Variants in ATP13A5 observed in about 807,000 individuals in gnomAD.
ATP13A5 encodes ATPase 13A5.
ATP13A5 carries 149 observed loss-of-function variants against 150.2 expected under a neutral mutation model. That is an observed-to-expected ratio of 0.99 (90% CI 0.87 to 1.14). The LOEUF is 1.14. ATP13A5 is among the 50% of genes most tolerant of loss of function. The probability of loss-of-function intolerance (pLI) is 0.00; values close to 1 mark genes in which losing one functional copy is unlikely to be tolerated. For synonymous variants in ATP13A5, 497 were observed against 522.2 expected, an observed-to-expected ratio of 0.95 and a Z score of 0.66; for missense variants, 1,383 against 1,449.3, an observed-to-expected ratio of 0.95 and a Z score of 0.74.
chr3:193,284,480 G>A (rs1023796252), intron 27 of ATP13A5, among the ~76,000 whole-genome samples: 1 of 152,066 alleles, frequency 6.6e-6, no homozygotes, highest in African/African-American at 2.4e-5. Context: ...AAAATGCTTT[G>A]TTTAGTCCTT....
chr3:193,371,704 A>G (rs1054975491), intron 1 of ATP13A5, among the ~76,000 whole-genome samples: 8 of 152,180 alleles, frequency 5.3e-5, no homozygotes, highest in South Asian at 2.1e-4. Context: ...CAAAAATGCA[A>G]CGTAGAACCT....
At chr3:193,315,327 A>G (rs1719009753) in intron 17 of ATP13A5, among the ~76,000 whole-genome samples, 1 of 152,090 alleles carries the variant, frequency 6.6e-6, no homozygotes, top group Admixed American at 6.5e-5. Flanking sequence ...CCAGTTTCCA[A>G]CTTTATTTTT....
intron 20 of ATP13A5, among the ~76,000 whole-genome samples, chr3:193,311,309 C>T (rs1448965021): frequency 3.3e-5 from 5 of 152,186 alleles, no homozygotes; most frequent in African/African-American, 9.7e-5. Context: ...CTCCATTAAT[C>T]TCCCGCACAT....
At chr3:193,376,030 G>A (rs1713629676) in intron 1 of ATP13A5, among the ~76,000 whole-genome samples, 1 of 152,178 alleles carries the variant, frequency 6.6e-6, no homozygotes. Context: ...GGAAGGAAGA[G>A]CAAGTGGGGC....
intron 5 of ATP13A5, among the ~76,000 whole-genome samples, chr3:193,361,418 T>C (rs1432148153): frequency 2.6e-5 from 4 of 152,174 alleles, no homozygotes; most frequent in African/African-American, 4.8e-5. Flanking sequence ...ATGGGTATCT[T>C]CTAAGTACCC....
intron 26 of ATP13A5, among the ~76,000 whole-genome samples, chr3:193,289,496 T>A (rs1333845667): frequency 6.6e-6 from 1 of 152,158 alleles, no homozygotes; most frequent in African/African-American, 2.4e-5. Context: ...TGTTTACCTA[T>A]TGTCTAAGGC....
Position 193,307,372 on chromosome 3 carries a change from G to A in ATP13A5, c.2526-3C>T, listed in dbSNP as rs756632105. On this transcript the variant is annotated splice_region_variant and splice_polypyrimidine_tract_variant and intron_variant, in intron 21 of 29. Coordinates refer to ENST00000342358, the MANE Select transcript of ATP13A5 (RefSeq NM_198505.4). ...CTCCACACATGCCCACATAATAACT[G>A]CGGGAGACAGGAGAAGAAGGATTAA... The A allele has an allele frequency of 1.9e-6, 3 of 1,613,744 alleles. No homozygotes were observed. Among genetic ancestry groups the A allele is most frequent in the Admixed American group, 1.7e-5 (1 of 59,986 alleles).
At chr3:193,349,281 T>C (rs1412182769) in intron 7 of ATP13A5, among the ~76,000 whole-genome samples, 1 of 152,182 alleles carries the variant, frequency 6.6e-6, no homozygotes, top group Admixed American at 6.6e-5. Flanking sequence ...AAGAAATCTT[T>C]TGCAATACTG....
At chr3:193,340,364 T>G (rs1712069264) in intron 9 of ATP13A5, among the ~76,000 whole-genome samples, 1 of 152,200 alleles carries the variant, frequency 6.6e-6, no homozygotes, top group African/African-American at 2.4e-5. Context: ...TTTCTGAGCT[T>G]TTATTGAGTA....
At chr3:193,335,156 G>T in intron 9 of ATP13A5, 57 bp from the exon 10 acceptor site, 2 of 1,528,476 alleles carry the variant, frequency 1.3e-6, no homozygotes, top group Non-Finnish European at 1.8e-6. Flanking sequence ...GGTCAGAACT[G>T]GTGCATGCCA....
In ATP13A5 at chr3:193,305,653, G is replaced by A; in HGVS notation, c.2584C>T (p.His862Tyr). Residue 862 changes from histidine (H) to tyrosine (Y), a missense_variant, in exon 23 of 30, where the codon CAT becomes TAT. Transcript: ENST00000342358. ...ANDCGALKAA[H>Y]AGISLSEQEA... Reference sequence around the variant, plus strand: ...TGCTCTGATAATGAAATGCCTGCATGAGCCGCTTTCAAAGCCTGGAATGAT... The same window carrying A: ...TGCTCTGATAATGAAATGCCTGCATAAGCCGCTTTCAAAGCCTGGAATGAT... The A allele has an allele frequency of 6.2e-7, 1 of 1,613,922 alleles. No homozygotes were observed. The highest frequency in any genetic ancestry group is 8.5e-7 in the Non-Finnish European group (1 of 1,179,858).
chr3:193,368,055 T>C (rs967433598), intron 1 of ATP13A5, among the ~76,000 whole-genome samples: 3 of 151,966 alleles, frequency 2.0e-5, no homozygotes, highest in African/African-American at 7.2e-5. Context: ...CTAAACTCTA[T>C]GTGTAGATAA....
At chr3:193,319,598 G>A (rs1374869795) in intron 16 of ATP13A5, among the ~76,000 whole-genome samples, 1 of 152,184 alleles carries the variant, frequency 6.6e-6, no homozygotes, top group Non-Finnish European at 1.5e-5. Context: ...AGAACTGTGA[G>A]GAATAAATTT....
At chr3:193,360,685 AT>A (rs1008416641) in intron 5 of ATP13A5, among the ~76,000 whole-genome samples, 6 of 151,054 alleles carry the variant, frequency 4.0e-5, no homozygotes, top group East Asian at 3.9e-4. Flanking sequence ...TGTGGATCAG[AT>A]TTTTTTTTGT....
intron 9 of ATP13A5, among the ~76,000 whole-genome samples, chr3:193,340,700 T>A (rs1377983060): frequency 1.3e-5 from 2 of 152,210 alleles, no homozygotes; most frequent in African/African-American, 4.8e-5. Flanking sequence ...AAGCCTAGGT[T>A]CTGGGGACAA....
chr3:193,305,513 A>C, intron 23 of ATP13A5, 46 bp downstream of exon 23: 1 of 1,395,514 alleles, frequency 7.2e-7, no homozygotes, highest in Non-Finnish European at 1.0e-6. Context: ...AGAGCCAGAC[A>C]ATGGGCCCAT....
At chr3:193,311,997 C>T in intron 19 of ATP13A5, 56 bp from the exon 20 acceptor site, 1 of 1,584,300 alleles carries the variant, frequency 6.3e-7, no homozygotes. Context: ...TCTCTGCTTT[C>T]CTATGCGTTA....
At chr3:193,362,504 A>G in intron 4 of ATP13A5, 43 bp from the exon 5 acceptor site, 1 of 1,612,984 alleles carries the variant, frequency 6.2e-7, no homozygotes, top group East Asian at 2.2e-5. Context: ...AGTTCATAGC[A>G]CTCAACAAAT....
chr3:193,308,212 C>T (rs1577340004), intron 21 of ATP13A5, among the ~76,000 whole-genome samples: 3 of 152,196 alleles, frequency 2.0e-5, no homozygotes, highest in Admixed American at 2.0e-4. Context: ...GTAATCCCAG[C>T]ATTTTGGGAG....
Sources: allele counts gnomAD v4.1 joint callset (sites outside exome capture counted in the v4.1 genomes callset), GRCh38; gene constraint gnomAD v4.1.1; transcripts MANE v1.5; gene names NCBI Gene and HGNC (gene_info 2026-07-23, HGNC 2026-07-21).